FNBP1: variants seen among roughly 807,000 people sequenced by gnomAD.
FNBP1 encodes formin-binding protein 1.
FNBP1 carries 26 observed loss-of-function variants against 90.6 expected under a neutral mutation model. The observed-to-expected ratio is 0.29, with a 90% CI of 0.21 to 0.40. The LOEUF (loss-of-function observed/expected upper bound fraction) is 0.40, where lower values mean the gene tolerates loss of function less well. FNBP1 is among the 10% of genes least tolerant of loss of function. FNBP1 has a pLI of 1.00. For synonymous variants in FNBP1, 260 were observed against 265.2 expected (o/e 0.98, Z 0.19); for missense variants, 635 against 768.0 (o/e 0.83, Z 2.05).
rs569358492 is a variant in FNBP1, at chr9:129,978,631, G to A, written c.198-19C>T. On this transcript the variant is annotated intron_variant, in intron 3 of 16. Transcript: ENST00000446176. ...CGTATACCTATGGAACAGAACACACGCCACTCTGTTTCACACAAGGCCACA... is the reference window on the plus strand; with the variant it reads ...CGTATACCTATGGAACAGAACACACACCACTCTGTTTCACACAAGGCCACA... 38 of 1,607,562 alleles carry A rather than the reference G, an allele frequency of 2.4e-5. No individual in the cohort carries two copies. The highest frequency in any genetic ancestry group is 1.6e-4 in the African/African-American group (12 of 74,738).
At chr9:129,926,298 TTG>T (rs2131948231) in intron 8 of FNBP1, among the ~76,000 whole-genome samples, 1 of 152,304 alleles carries the variant, frequency 6.6e-6, no homozygotes, top group East Asian at 1.9e-4. Flanking sequence ...TGTTGAATAT[TTG>T]TGTCTTCAAA....
chr9:129,929,542 A>C, intron 7 of FNBP1, 25 bp downstream of exon 7: 1 of 1,610,414 alleles, frequency 6.2e-7, no homozygotes, highest in Non-Finnish European at 8.5e-7. Flanking sequence ...TAAAACATGA[A>C]ATCTGAGAGA....
In FNBP1 at chr9:130,042,249, C is replaced by T. The variant is rs546385; in HGVS notation, c.24+703G>A. Among the ~76,000 whole-genome samples, 1,805 of 152,272 alleles carry T rather than the reference C, an allele frequency of 0.012. 24 individuals carry two copies. The highest frequency in any genetic ancestry group is 0.051 in the Middle Eastern group (15 of 294). ...GAGCAACCGTTAAAGATCATTGACCCCGCGAACGCCTCTTCCTGAGGTAGA... is the reference window on the plus strand; with the variant it reads ...GAGCAACCGTTAAAGATCATTGACCTCGCGAACGCCTCTTCCTGAGGTAGA... On this transcript the variant is annotated intron_variant, in intron 1 of 16. Coordinates refer to ENST00000446176, the MANE Select transcript of FNBP1 (RefSeq NM_015033.3). This position sits in a 1 kb window ranked among gnomAD's most constrained non-coding sequence, Gnocchi z 5.5.
chr9:130,038,491 G>A lies in FNBP1; in HGVS notation c.24+4461C>T, dbSNP rs570069520. 9.9e-4 allele frequency among the ~76,000 whole-genome samples: 143 copies of A among 144,706 alleles called. 1 individual carries two copies. The highest frequency in any genetic ancestry group is 7.8e-3 in the Middle Eastern group (2 of 258). The allele number at this position is 144,706 out of a possible 152,430, so 94.9% of individuals were successfully genotyped here. ...CGGCTCACTGCAACCTCCGCCTCCC[G>A]GGTTCAAGCGATTCTCCGCCTCAGC... On this transcript the variant is annotated intron_variant, in intron 1 of 16. Coordinates refer to ENST00000446176, the MANE Select transcript of FNBP1 (RefSeq NM_015033.3).
At chr9:130,026,222 C>T (rs778322223) in intron 1 of FNBP1, among the ~76,000 whole-genome samples, 5 of 151,930 alleles carry the variant, frequency 3.3e-5, no homozygotes, top group East Asian at 1.9e-4. Flanking sequence ...TGGCCAGGCA[C>T]GGTGGCTCAT....
At chr9:129,993,651 G>T (rs1485780474) in intron 2 of FNBP1, among the ~76,000 whole-genome samples, 1 of 128,018 alleles carries the variant, frequency 7.8e-6, no homozygotes, top group Non-Finnish European at 1.6e-5. Flanking sequence ...TTGAGAAGGA[G>T]TCTTACTCTG....
chr9:129,930,421 T>C lies in FNBP1; in HGVS notation c.514-726A>G, dbSNP rs568984035. Reference sequence around the variant, plus strand: ...ATGGGGTTCATGCACTAAAAAGGCATATGAACCACTGACCTAAGGAGACTT... The same window carrying C: ...ATGGGGTTCATGCACTAAAAAGGCACATGAACCACTGACCTAAGGAGACTT... On this transcript the variant is annotated intron_variant, in intron 6 of 16. Coordinates refer to ENST00000446176, the MANE Select transcript of FNBP1 (RefSeq NM_015033.3). 7.6e-4 allele frequency among the ~76,000 whole-genome samples: 115 copies of C among 152,278 alleles called. 1 individual carries two copies. The highest frequency in any genetic ancestry group is 1.2e-3 in the Non-Finnish European group (84 of 68,010).
chr9:130,048,314 CAAAAAAAAAAAAA>C, the FNBP1 span, among the ~76,000 whole-genome samples: 6 of 50,718 alleles, frequency 1.2e-4, no homozygotes, highest in Non-Finnish European at 1.3e-4. Flanking sequence ...GACTCCATCT[CAAAAAAAAAAAAA>C]AAAAAAAAAA....
chr9:129,985,715 A>G (rs1187857146), intron 2 of FNBP1, among the ~76,000 whole-genome samples: 1 of 150,824 alleles, frequency 6.6e-6, no homozygotes, highest in Non-Finnish European at 1.5e-5. Context: ...TAATCCCAGC[A>G]CTCTGGGAGG....
At chr9:129,983,840 C>CAAT (rs952486214) in intron 2 of FNBP1, among the ~76,000 whole-genome samples, 8 of 152,106 alleles carry the variant, frequency 5.3e-5, no homozygotes, top group Admixed American at 2.0e-4. Flanking sequence ...AAAAAACCCA[C>CAAT]AACAACAACA....
chr9:130,048,491 C>CTTTTATT, the FNBP1 span, among the ~76,000 whole-genome samples: 1 of 105,082 alleles, frequency 9.5e-6, no homozygotes, highest in African/African-American at 3.6e-5. Flanking sequence ...CCTCAGTTTC[C>CTTTTATT]TTTTTTTTTT....
rs376805331 is a variant in FNBP1, at chr9:130,042,016, G to C, written c.24+936C>G. ...ACTGAGATTTCGTCTGCTCCTTCCC[G>C]GGCCGCCGCACTGCCCATCCCCTGC... On this transcript the variant is annotated intron_variant, in intron 1 of 16. Coordinates refer to ENST00000446176, the MANE Select transcript of FNBP1 (RefSeq NM_015033.3). This position sits in a 1 kb window ranked among gnomAD's most constrained non-coding sequence, Gnocchi z 5.5. Among the ~76,000 whole-genome samples the C allele has an allele frequency of 6.6e-6, 1 of 151,936 alleles. No homozygotes were observed. The highest frequency in any genetic ancestry group is 2.4e-5 in the African/African-American group (1 of 41,356).
At chr9:130,027,796 G>T (rs144275263) in intron 1 of FNBP1, among the ~76,000 whole-genome samples, 1 of 152,214 alleles carries the variant, frequency 6.6e-6, no homozygotes, top group Non-Finnish European at 1.5e-5. Context: ...CTCTATGGTT[G>T]GCTTCTCCGT....
At chr9:129,918,888 AC>A (rs1337163698) in intron 10 of FNBP1, 9 of 175,924 alleles carry the variant, frequency 5.1e-5, no homozygotes, top group Admixed American at 2.3e-4. Flanking sequence ...AAAAAAAAAA[AC>A]AAAAAAACAA....
At chr9:129,973,300 C>T (rs949321312) in intron 4 of FNBP1, among the ~76,000 whole-genome samples, 3 of 152,176 alleles carry the variant, frequency 2.0e-5, no homozygotes, top group African/African-American at 7.2e-5. Flanking sequence ...CTCTGTTATG[C>T]TGTGTGCGCC....
chr9:129,972,602 G>A (rs533970102), intron 4 of FNBP1, among the ~76,000 whole-genome samples: 126 of 149,074 alleles, frequency 8.5e-4, no homozygotes, highest in African/African-American at 3.1e-3. Context: ...CATGATCTCC[G>A]CTCACAGCAA....
rs1310738984 is a variant in FNBP1, at chr9:129,926,372, G to A, written c.789+823C>T. On this transcript the variant is annotated intron_variant, in intron 8 of 16. Transcript: ENST00000446176. ...ATTTTTTTGAGAAATAGGTCTCTAG[G>A]AATTCAAATGGAGAACACTGCCCTA... is the stretch of plus-strand genomic sequence containing the variant. Among the ~76,000 whole-genome samples the A allele has an allele frequency of 4.6e-5, 7 of 152,308 alleles. 1 individual carries two copies. Among genetic ancestry groups the A allele is most frequent in the Middle Eastern group, 6.8e-3 (2 of 294 alleles).
intron 2 of FNBP1, among the ~76,000 whole-genome samples, chr9:129,988,104 T>C (rs145439290): frequency 9.9e-5 from 15 of 152,074 alleles, no homozygotes; most frequent in Non-Finnish European, 1.5e-4. Context: ...AAGTAGCAAA[T>C]TGACAAAGAT....
At chr9:130,003,972 AGAAG>A (rs994003453) in intron 1 of FNBP1, among the ~76,000 whole-genome samples, 18 of 151,982 alleles carry the variant, frequency 1.2e-4, no homozygotes, top group East Asian at 9.7e-4. Flanking sequence ...CAAATTATGC[AGAAG>A]AGTTGTCACA....
Sources: allele counts gnomAD v4.1 joint callset (sites outside exome capture counted in the v4.1 genomes callset), GRCh38; gene constraint gnomAD v4.1.1; non-coding constraint Gnocchi (gnomAD v3.1); transcripts MANE v1.5; gene names NCBI Gene and HGNC (gene_info 2026-07-23, HGNC 2026-07-21).